Variants in BACH2 observed in about 807,000 individuals in gnomAD.
BACH2 encodes the protein BACH transcriptional regulator 2.
BACH2 carries 5 observed loss-of-function variants against 61.8 expected under a neutral mutation model. The ratio of observed to expected loss-of-function variants is 0.08; its 90% CI spans 0.04 to 0.17. The LOEUF (loss-of-function observed/expected upper bound fraction) is 0.17, where lower values mean the gene tolerates loss of function less well. Ranked by LOEUF, BACH2 falls within the 10% of genes least tolerant of loss-of-function variation. The pLI, the probability that BACH2 is intolerant of heterozygous loss-of-function variation, is 1.00. For synonymous variants in BACH2, 446 were observed against 440.1 expected (o/e 1.01, Z -0.17); for missense variants, 824 against 1,091.1 (o/e 0.76, Z 3.45).
At position 89,950,049 on chromosome 6, in the gene BACH2, T is replaced by C. The variant is rs1216424038; in HGVS notation, c.1836+221A>G. The C allele has an allele frequency of 6.6e-6, 4 of 603,160 alleles. No homozygotes were observed. Among genetic ancestry groups the C allele is most frequent in the Admixed American group, 2.7e-5 (1 of 36,924 alleles). The allele number at this position is 603,160 out of a possible 1,614,324, so 37.4% of individuals were successfully genotyped here. A position where few individuals can be genotyped will look rare whatever the true frequency, so the allele number is the denominator to read the frequency against. Reference sequence around the variant, plus strand: ...GCAGCTTGCCTCTGCTTGTCGAGTATTGAGATCCAGATCAAATATCAAGTG... The same window carrying C: ...GCAGCTTGCCTCTGCTTGTCGAGTACTGAGATCCAGATCAAATATCAAGTG... On this transcript the variant is annotated intron_variant, in intron 7 of 8. Transcript: ENST00000257749. The surrounding 1 kb of genome is among the most constrained non-coding windows in gnomAD (Gnocchi z 5.3).
intron 4 of BACH2, among the ~76,000 whole-genome samples, chr6:90,151,275 C>G (rs1256894253): frequency 1.3e-5 from 2 of 152,054 alleles, no homozygotes; most frequent in African/African-American, 4.8e-5. Flanking sequence ...AAATACTGAC[C>G]CTTTCCTGCT....
chr6:90,272,254 TCAGTA>T lies in BACH2; in HGVS notation c.-445-318_-445-314del, dbSNP rs1037396113. On this transcript the variant is annotated intron_variant, in intron 1 of 8. Transcript: ENST00000257749. ...ACTTCTTTGTAGTGTCTGACACTGT[TCAGTA>T]GTTTTTTTTTTCCTCTTTTTATTCT... Among the ~76,000 whole-genome samples, 13 of 152,188 alleles carry T rather than the reference TCAGTA, an allele frequency of 8.5e-5. 1 individual carries two copies. Among genetic ancestry groups the T allele is most frequent in the African/African-American group, 2.9e-4 (12 of 41,530 alleles).
At chr6:90,199,061 C>T (rs555624690) in intron 4 of BACH2, among the ~76,000 whole-genome samples, 1 of 152,274 alleles carries the variant, frequency 6.6e-6, no homozygotes, top group Admixed American at 6.5e-5. Flanking sequence ...ATTGTGAGGC[C>T]TCCGATGTAA....
At chr6:89,963,455 G>A (rs368501432) in intron 6 of BACH2, among the ~76,000 whole-genome samples, 2 of 151,956 alleles carry the variant, frequency 1.3e-5, no homozygotes, top group Non-Finnish European at 2.9e-5. Context: ...CGTCATGCCC[G>A]GTTAATTTCT....
intron 3 of BACH2, among the ~76,000 whole-genome samples, chr6:90,217,071 T>C (rs1020966827): frequency 6.6e-6 from 1 of 152,124 alleles, no homozygotes; most frequent in Non-Finnish European, 1.5e-5. Flanking sequence ...TTAACAACCA[T>C]AAAAATTTAC....
At chr6:90,010,125 C>T (rs1777628979) in intron 5 of BACH2, among the ~76,000 whole-genome samples, 2 of 152,226 alleles carry the variant, frequency 1.3e-5, no homozygotes, top group African/African-American at 4.8e-5. Flanking sequence ...ATAAACTGTA[C>T]ATATTTATAG....
At chr6:89,959,558 C>G (rs1026493257) in intron 6 of BACH2, among the ~76,000 whole-genome samples, 1 of 152,130 alleles carries the variant, frequency 6.6e-6, no homozygotes, top group African/African-American at 2.4e-5. Flanking sequence ...AAAAATTATT[C>G]AGAAACTGTT....
At chr6:90,285,812 G>A (rs1012403020) in intron 1 of BACH2, among the ~76,000 whole-genome samples, 11 of 152,186 alleles carry the variant, frequency 7.2e-5, no homozygotes, top group African/African-American at 2.4e-4. Flanking sequence ...TACAACAGCT[G>A]CATGAGTCAG....
At chr6:89,980,068 G>A (rs566536435) in intron 6 of BACH2, among the ~76,000 whole-genome samples, 3 of 152,248 alleles carry the variant, frequency 2.0e-5, no homozygotes, top group South Asian at 2.1e-4. Flanking sequence ...TGAGGTAGGC[G>A]GATCACCTGA....
chr6:90,296,784 C>CGCTGCTGCCGCTGCT lies in BACH2; in HGVS notation c.-765_-751dup, dbSNP rs1193707672. 2.4e-4 allele frequency: 42 copies of CGCTGCTGCCGCTGCT among 172,424 alleles called. 1 individual carries two copies. Among genetic ancestry groups the CGCTGCTGCCGCTGCT allele is most frequent in the Middle Eastern group, 5.4e-3 (2 of 372 alleles). 10.7% of individuals were successfully genotyped at this position (172,424 alleles called of 1,614,324 possible). ...CGACCGCAGCCCGGGCGTGCACGGC[C>CGCTGCTGCCGCTGCT]GCTGCTGCCGCTGCTGCTGCTGCTG... On this transcript the variant is annotated 5_prime_UTR_variant, in exon 1 of 9. Transcript: ENST00000257749.
intron 5 of BACH2, among the ~76,000 whole-genome samples, chr6:90,087,669 A>G (rs1781993013): frequency 6.6e-6 from 1 of 151,804 alleles, no homozygotes; most frequent in Non-Finnish European, 1.5e-5. Flanking sequence ...ATCTCACAAA[A>G]CCTGGACTTG....
At position 90,182,682 on chromosome 6, in the gene BACH2, T is replaced by C. The variant is rs114861962; in HGVS notation, c.-162+23887A>G. Reference sequence around the variant, plus strand: ...ATTAATTCACAAGGTAAATAAGTCATAGGTCCAATACTGAGGCAAATGAAC... The same window carrying C: ...ATTAATTCACAAGGTAAATAAGTCACAGGTCCAATACTGAGGCAAATGAAC... On this transcript the variant is annotated intron_variant, in intron 4 of 8. Coordinates refer to ENST00000257749, the MANE Select transcript of BACH2 (RefSeq NM_021813.4). 6.9e-3 allele frequency among the ~76,000 whole-genome samples: 1,057 copies of C among 152,326 alleles called. 15 individuals are homozygous for C. The highest frequency in any genetic ancestry group is 0.024 in the African/African-American group (992 of 41,578).
chr6:90,274,601 A>G (rs1189394914), intron 1 of BACH2, among the ~76,000 whole-genome samples: 1 of 152,224 alleles, frequency 6.6e-6, no homozygotes, highest in Non-Finnish European at 1.5e-5. Flanking sequence ...TAGCAGCCTC[A>G]GAGGAAGCAG....
intron 6 of BACH2, among the ~76,000 whole-genome samples, chr6:89,985,348 G>T (rs1001377536): frequency 6.6e-6 from 1 of 152,124 alleles, no homozygotes; most frequent in Non-Finnish European, 1.5e-5. Context: ...GGGTTTTGTG[G>T]GTGGCCTCAG....
intron 4 of BACH2, among the ~76,000 whole-genome samples, chr6:90,186,672 G>A (rs929236036): frequency 1.3e-5 from 2 of 152,142 alleles, no homozygotes; most frequent in African/African-American, 4.8e-5. Context: ...CGGTCCTCAT[G>A]CCCCTCCCCT....
At chr6:90,217,602 T>C (rs1477766981) in intron 3 of BACH2, among the ~76,000 whole-genome samples, 19 of 152,188 alleles carry the variant, frequency 1.2e-4, no homozygotes, top group Non-Finnish European at 2.8e-4. Context: ...GTTGTAAGAA[T>C]GTACATTTAG....
intron 6 of BACH2, among the ~76,000 whole-genome samples, chr6:89,979,249 T>C (rs1018823788): frequency 1.3e-5 from 2 of 152,202 alleles, no homozygotes; most frequent in Non-Finnish European, 2.9e-5. Flanking sequence ...TCTCACCTAA[T>C]ACAAACCACA....
At chr6:89,989,748 T>C (rs1009460571) in intron 6 of BACH2, among the ~76,000 whole-genome samples, 1 of 152,202 alleles carries the variant, frequency 6.6e-6, no homozygotes, top group African/African-American at 2.4e-5. Context: ...GCTCTCAGCA[T>C]CTTCCTGGGG....
intron 5 of BACH2, among the ~76,000 whole-genome samples, chr6:90,040,079 G>T (rs1421339624): frequency 1.4e-5 from 2 of 143,512 alleles, no homozygotes; most frequent in Non-Finnish European, 3.0e-5. Flanking sequence ...AGAAATTTTT[G>T]ATTTTTGTGT....
Sources: gnomAD v4.1 joint callset for allele counts (sites outside exome capture counted in the v4.1 genomes callset) on GRCh38, gnomAD v4.1.1 for gene constraint, Gnocchi (gnomAD v3.1) non-coding constraint, MANE v1.5 for transcripts, NCBI Gene and HGNC (gene_info 2026-07-23, HGNC 2026-07-21) for gene names.